The following PHACTR2 variants were observed in gnomAD, a reference collection of about 807,000 sequenced individuals.
The protein encoded by PHACTR2 is chromosome 6 open reading frame 56.
In PHACTR2, 30 loss-of-function variants were observed where a neutral mutation model predicts 76.0. The ratio of observed to expected loss-of-function variants is 0.39; its 90% CI spans 0.30 to 0.54. The LOEUF is 0.54. Ranked by LOEUF, PHACTR2 falls within the 20% of genes least tolerant of loss-of-function variation. The pLI is 0.61. For synonymous variants in PHACTR2, 292 were observed against 292.5 expected (o/e 1.00, Z 0.02); for missense variants, 696 against 781.1 (o/e 0.89, Z 1.30).
rs1199430560 is a variant in PHACTR2 at position 143,557,065 on chromosome 6, T to C, written c.217+19858T>C. On this transcript the variant is annotated intron_variant, in intron 1 of 11. Coordinates refer to the PHACTR2 transcript ENST00000367584. The surrounding 1 kb of genome is among the most constrained non-coding windows in gnomAD (Gnocchi z 5.5). Reference sequence around the variant, plus strand: ...CCTACCATCTCTCTCCAAAATATGTTCTCCATGTGGTTCGGCAAGAGGATT... The same window carrying C: ...CCTACCATCTCTCTCCAAAATATGTCCTCCATGTGGTTCGGCAAGAGGATT... 6.6e-6 allele frequency among the ~76,000 whole-genome samples: 1 copy of C among 152,158 alleles called. No homozygotes were observed. The highest frequency in any genetic ancestry group is 2.4e-5 in the African/African-American group (1 of 41,422).
chr6:143,566,936 G>A (rs1228255365), intron 1 of PHACTR2, among the ~76,000 whole-genome samples: 1 of 151,928 alleles, frequency 6.6e-6, no homozygotes, highest in East Asian at 1.9e-4. Context: ...TCTCATCAAT[G>A]AATGTTTGGA....
rs1220381509 is a variant in PHACTR2, at chr6:143,571,041, C to A, written c.217+33834C>A. ...ACTTTTAGCTGCTGCAAAACTGGTA[C>A]ATGGAGTTCTCGTATACTCTTCACC... is the stretch of plus-strand genomic sequence containing the variant. On this transcript the variant is annotated intron_variant, in intron 1 of 11. Transcript: ENST00000367584. This position sits in a 1 kb window ranked among gnomAD's most constrained non-coding sequence, Gnocchi z 4.6. 6.6e-6 allele frequency among the ~76,000 whole-genome samples: 1 copy of A among 152,148 alleles called. No homozygotes were observed. The highest frequency in any genetic ancestry group is 1.5e-5 in the Non-Finnish European group (1 of 68,028).
chr6:143,669,787 G>T (rs532162721), intron 1 of PHACTR2, among the ~76,000 whole-genome samples: 33 of 151,756 alleles, frequency 2.2e-4, no homozygotes, highest in Admixed American at 7.9e-4. Context: ...ACACTGATAA[G>T]TCTTGGCTCT....
At position 143,624,024 on chromosome 6, in the gene PHACTR2, C is replaced by T. The variant is rs952233403; in HGVS notation, c.13+15702C>T. Among the ~76,000 whole-genome samples the T allele has an allele frequency of 3.3e-5, 5 of 151,874 alleles. No homozygotes were observed. Among genetic ancestry groups the T allele is most frequent in the African/African-American group, 9.6e-5 (4 of 41,512 alleles). ...GCCTCCCCACCCACTCCCCACCCTGCCCCAGTGTAAGCTATTATTGAACTT... is the reference window on the plus strand; with the variant it reads ...GCCTCCCCACCCACTCCCCACCCTGTCCCAGTGTAAGCTATTATTGAACTT... On this transcript the variant is annotated intron_variant, in intron 1 of 11. Coordinates refer to the PHACTR2 transcript ENST00000305766. This position sits in a 1 kb window ranked among gnomAD's most constrained non-coding sequence, Gnocchi z 4.6.
At chr6:143,805,921 G>C (rs534405278) in intron 11 of PHACTR2, among the ~76,000 whole-genome samples, 2 of 152,252 alleles carry the variant, frequency 1.3e-5, no homozygotes, top group Admixed American at 1.3e-4. Flanking sequence ...CTTTTTTTCT[G>C]TCTGTTCCCT....
At position 143,731,824 on chromosome 6, in the gene PHACTR2, T is replaced by C. The variant is rs1320976571; in HGVS notation, c.215-17161T>C. On this transcript the variant is annotated intron_variant, in intron 2 of 12. Transcript: ENST00000440869. The surrounding 1 kb of genome is among the most constrained non-coding windows in gnomAD (Gnocchi z 4.9). ...TTTCTTCTTGAAATGTTTGGTAGAA[T>C]AAACAGTAAAGCATTATGGACCTGA... 6.6e-6 allele frequency among the ~76,000 whole-genome samples: 1 copy of C among 152,192 alleles called. No homozygotes were observed. The highest frequency in any genetic ancestry group is 1.9e-4 in the East Asian group (1 of 5,194).
intron 2 of PHACTR2, among the ~76,000 whole-genome samples, chr6:143,721,518 A>G (rs1778442942): frequency 6.6e-6 from 1 of 152,348 alleles, no homozygotes; most frequent in Non-Finnish European, 1.5e-5. Context: ...AGCAGCCCTG[A>G]TAACATGCAG....
rs1023527916 is a variant in PHACTR2 at position 143,826,054 on chromosome 6, G to GT, written c.*2366dup. 2.1e-5 allele frequency: 3 copies of GT among 144,758 alleles called. No homozygotes were observed. Among genetic ancestry groups the GT allele is most frequent in the Non-Finnish European group, 4.5e-5 (3 of 66,124 alleles). The allele number at this position is 144,758 out of a possible 1,614,324, so 9.0% of individuals were successfully genotyped here. On this transcript the variant is annotated 3_prime_UTR_variant, in exon 13 of 13. Coordinates refer to ENST00000440869, the MANE Select transcript of PHACTR2 (RefSeq NM_001100164.2). Reference sequence around the variant, plus strand: ...TTCTAAGTTAGAGACAAGTTTAAAAGTAAAAAAAAAAAAAAATTAGCCACT... The same window carrying GT: ...TTCTAAGTTAGAGACAAGTTTAAAAGTTAAAAAAAAAAAAAAATTAGCCACT...
At position 143,754,931 on chromosome 6, in the gene PHACTR2, G is replaced by A. The variant is rs545670518; in HGVS notation, c.454+1019G>A. Among the ~76,000 whole-genome samples, 144 of 152,154 alleles carry A rather than the reference G, an allele frequency of 9.5e-4. No homozygotes were observed. Among genetic ancestry groups the A allele is most frequent in the African/African-American group, 3.3e-3 (137 of 41,536 alleles). On this transcript the variant is annotated intron_variant, in intron 4 of 12. Coordinates refer to ENST00000440869, the MANE Select transcript of PHACTR2 (RefSeq NM_001100164.2). The surrounding 1 kb of genome is among the most constrained non-coding windows in gnomAD (Gnocchi z 6.2). The stretch of plus-strand genomic sequence containing the variant: ...GTTCTTGACCCAGATCCTTGAGAGC[G>A]AAAGGGAAAAAAGATTATTTGATGG...
rs1240986329 is a variant in PHACTR2 at position 143,654,813 on chromosome 6, A to G, written c.13+46491A>G. Among the ~76,000 whole-genome samples, 1 of 152,132 alleles carries G rather than the reference A, an allele frequency of 6.6e-6. No homozygotes were observed. The highest frequency in any genetic ancestry group is 2.4e-5 in the African/African-American group (1 of 41,412). On this transcript the variant is annotated intron_variant, in intron 1 of 11. Coordinates refer to the PHACTR2 transcript ENST00000305766. The surrounding 1 kb of genome is among the most constrained non-coding windows in gnomAD (Gnocchi z 4.6). Reference sequence around the variant, plus strand: ...AGCAAGACCTTGTCTCTACAAATAAACAAAAACTAAATGAAGTATTGATAC... The same window carrying G: ...AGCAAGACCTTGTCTCTACAAATAAGCAAAAACTAAATGAAGTATTGATAC...
At chr6:143,815,531 G>C (rs1035746383) in intron 12 of PHACTR2, among the ~76,000 whole-genome samples, 1 of 152,170 alleles carries the variant, frequency 6.6e-6, no homozygotes. Context: ...TATCTATCAA[G>C]TAGGGAAGTA....
rs1406646903 is a variant in PHACTR2 at position 143,708,186 on chromosome 6, A to T, written c.47-3830A>T. 6.6e-6 allele frequency among the ~76,000 whole-genome samples: 1 copy of T among 152,240 alleles called. No individual in the cohort carries two copies. The highest frequency in any genetic ancestry group is 1.5e-5 in the Non-Finnish European group (1 of 68,044). ...GGTCACATTTGCACTGGGACTGCCT[A>T]ACTGATACATTTCTGTTTAAATAAA... On this transcript the variant is annotated intron_variant, in intron 1 of 12. Coordinates refer to ENST00000440869, the MANE Select transcript of PHACTR2 (RefSeq NM_001100164.2). This position sits in a 1 kb window ranked among gnomAD's most constrained non-coding sequence, Gnocchi z 5.5.
intron 2 of PHACTR2, among the ~76,000 whole-genome samples, chr6:143,744,205 A>T (rs543544937): frequency 2.0e-5 from 3 of 152,314 alleles, no homozygotes; most frequent in Admixed American, 2.0e-4. Flanking sequence ...GGCCCAGCCA[A>T]GAATTAAGGA....
intron 1 of PHACTR2, among the ~76,000 whole-genome samples, chr6:143,614,924 T>C (rs11155311): frequency 0.27 from 41,578 of 152,108 alleles, 5,770 homozygotes; most frequent in Middle Eastern, 0.36. Context: ...ATAGATGATG[T>C]AAGATGTTAT....
In PHACTR2 at chr6:143,772,216, T is replaced by C; in HGVS notation, c.1233-42T>C. The C allele has an allele frequency of 6.9e-7, 1 of 1,449,694 alleles. No individual in the cohort carries two copies. The highest frequency in any genetic ancestry group is 2.3e-5 in the East Asian group (1 of 44,016). 89.8% of individuals were successfully genotyped at this position (1,449,694 alleles called of 1,614,324 possible). Reference sequence around the variant, plus strand: ...TAGTGTCAGTGCCGCCAAGGGTTGCTCTGAGCTTCACATCACTCCCATGCT... The same window carrying C: ...TAGTGTCAGTGCCGCCAAGGGTTGCCCTGAGCTTCACATCACTCCCATGCT... On this transcript the variant is annotated intron_variant, in intron 6 of 12. Coordinates refer to ENST00000440869, the MANE Select transcript of PHACTR2 (RefSeq NM_001100164.2). The surrounding 1 kb of genome is among the most constrained non-coding windows in gnomAD (Gnocchi z 5.4).
chr6:143,681,413 T>C (rs1369419543), intron 1 of PHACTR2, among the ~76,000 whole-genome samples: 1 of 152,174 alleles, frequency 6.6e-6, no homozygotes, highest in Non-Finnish European at 1.5e-5. Flanking sequence ...AAAAAATGTC[T>C]TCAGATCCTT....
chr6:143,699,403 T>C (rs1777848861), intron 1 of PHACTR2, among the ~76,000 whole-genome samples: 1 of 152,208 alleles, frequency 6.6e-6, no homozygotes, highest in South Asian at 2.1e-4. Flanking sequence ...TCTTTACTTG[T>C]TCATTCTCAA....
chr6:143,687,739 C>T (rs1411361552), intron 1 of PHACTR2, among the ~76,000 whole-genome samples: 1 of 152,130 alleles, frequency 6.6e-6, no homozygotes, highest in Non-Finnish European at 1.5e-5. Context: ...GCCCTTAACA[C>T]TAAGGAAATT....
rs954964601 is a variant in PHACTR2 at position 143,783,978 on chromosome 6, G to A, written c.1707+698G>A. Reference sequence around the variant, plus strand: ...AAGACCAGCCTGGACAACATAGTGAGACCTTGTTTCAAAAAAAAAGAATTA... The same window carrying A: ...AAGACCAGCCTGGACAACATAGTGAAACCTTGTTTCAAAAAAAAAGAATTA... On this transcript the variant is annotated intron_variant, in intron 10 of 12. Transcript: ENST00000440869. The surrounding 1 kb of genome is among the most constrained non-coding windows in gnomAD (Gnocchi z 5.2). 1.3e-5 allele frequency among the ~76,000 whole-genome samples: 2 copies of A among 148,734 alleles called. No homozygotes were observed. The highest frequency in any genetic ancestry group is 2.5e-5 in the African/African-American group (1 of 40,196).
Sources: allele counts gnomAD v4.1 joint callset (sites outside exome capture counted in the v4.1 genomes callset), GRCh38; gene constraint gnomAD v4.1.1; non-coding constraint Gnocchi (gnomAD v3.1); transcripts MANE v1.5; gene names NCBI Gene and HGNC (gene_info 2026-07-23, HGNC 2026-07-21).